OTUD4: variants seen among roughly 807,000 people sequenced by gnomAD.
OTUD4 encodes OTU deubiquitinase 4.
Under a neutral mutation model 130.4 loss-of-function variants are expected in OTUD4, and 24 were observed. The observed-to-expected ratio is 0.18, with a 90% CI of 0.13 to 0.26. The LOEUF is 0.26. Ranked by LOEUF, OTUD4 falls within the 10% of genes least tolerant of loss-of-function variation. The probability of loss-of-function intolerance (pLI) is 1.00; values close to 1 mark genes in which losing one functional copy is unlikely to be tolerated. For synonymous variants in OTUD4, 420 were observed against 472.5 expected, an observed-to-expected ratio of 0.89 and a Z score of 1.44; for missense variants, 1,031 against 1,329.4, an observed-to-expected ratio of 0.78 and a Z score of 3.49.
rs937832342 is a variant in OTUD4 at position 145,136,439 on chromosome 4, G to C, written c.*991C>G. On this transcript the variant is annotated 3_prime_UTR_variant, in exon 21 of 21. Transcript: ENST00000447906. ...CAAGTAGAACATGCAAGTGTAAAGT[G>C]AAAGTGATACACAACCAATGGTGCG... 2 of 122,752 alleles carry C rather than the reference G, an allele frequency of 1.6e-5. No homozygotes were observed. Among genetic ancestry groups the C allele is most frequent in the African/African-American group, 6.4e-5 (2 of 31,292 alleles). 7.6% of individuals were successfully genotyped at this position (122,752 alleles called of 1,614,324 possible). A position where few individuals can be genotyped will look rare whatever the true frequency, so the allele number is the denominator to read the frequency against.
At chr4:145,149,286 AG>A (rs1296664130) in intron 13 of OTUD4, among the ~76,000 whole-genome samples, 1 of 152,174 alleles carries the variant, frequency 6.6e-6, no homozygotes, top group Non-Finnish European at 1.5e-5. Context: ...CAGAAGTAGG[AG>A]GCAAGCATGG....
In OTUD4 at chr4:145,136,786, A is replaced by G. The variant is rs890474668; in HGVS notation, c.*644T>C. ...ATACCTTATGAATATTAAAAGAACT[A>G]TATACAACATTGCTAAGACACAGTT... On this transcript the variant is annotated 3_prime_UTR_variant, in exon 21 of 21. Coordinates refer to ENST00000447906, the MANE Select transcript of OTUD4 (RefSeq NM_001366057.1). 1 of 152,648 alleles carries G rather than the reference A, an allele frequency of 6.6e-6. No individual in the cohort carries two copies. Among genetic ancestry groups the G allele is most frequent in the Admixed American group, 6.5e-5 (1 of 15,284 alleles). 9.5% of individuals were successfully genotyped at this position (152,648 alleles called of 1,614,324 possible). A position where few individuals can be genotyped will look rare whatever the true frequency, so the allele number is the denominator to read the frequency against.
In OTUD4 at chr4:145,180,376, C is replaced by G. The variant is rs1752636617; in HGVS notation, c.-403G>C. Among the ~76,000 whole-genome samples the G allele has an allele frequency of 6.6e-6, 1 of 152,220 alleles. No individual in the cohort carries two copies. Among genetic ancestry groups the G allele is most frequent in the African/African-American group, 2.4e-5 (1 of 41,472 alleles). On this transcript the variant is annotated 5_prime_UTR_variant, in exon 1 of 21. Transcript: ENST00000447906. ...AGAAAACCCCCGCCCCTGGCGCGCA[C>G]GCTGGGCCGGCTCAGGTGAAGCGGG...
At chr4:145,154,554 TG>T (rs898662043) in intron 10 of OTUD4, among the ~76,000 whole-genome samples, 4 of 152,334 alleles carry the variant, frequency 2.6e-5, no homozygotes, top group Admixed American at 2.0e-4. Flanking sequence ...TTTGTGTATG[TG>T]GGGGTTTTGT....
intron 4 of OTUD4, 67 bp downstream of exon 4, chr4:145,165,084 T>G: frequency 1.1e-6 from 1 of 880,266 alleles, no homozygotes; most frequent in Non-Finnish European, 1.7e-6. Flanking sequence ...TTTAACATTT[T>G]TAATATAATG....
intron 7 of OTUD4, chr4:145,159,153 G>A (rs1751434239): frequency 1.1e-5 from 11 of 1,040,488 alleles, no homozygotes; most frequent in African/African-American, 3.5e-5. Flanking sequence ...AAATCCAAAC[G>A]GCCATTTTAT....
intron 13 of OTUD4, among the ~76,000 whole-genome samples, chr4:145,148,222 G>T (rs561832956): frequency 1.3e-5 from 2 of 152,172 alleles, no homozygotes; most frequent in African/African-American, 4.8e-5. Context: ...ATTAGAGGCC[G>T]GGTGCGGTGG....
Position 145,178,461 on chromosome 4 carries a change from G to A in OTUD4, c.159+1354C>T, listed in dbSNP as rs1752531376. The A allele has an allele frequency of 2.6e-5, 4 of 152,334 alleles. No individual in the cohort carries two copies. The South Asian group carries it at 8.3e-4, about 32-fold the overall frequency. The allele number at this position is 152,334 out of a possible 1,614,324, so 9.4% of individuals were successfully genotyped here. ...TTCTGGAGGTGCTGAGGAGTCCAAGGAAGCAGGACAGACAGAGATTCAGAA... is the reference window on the plus strand; with the variant it reads ...TTCTGGAGGTGCTGAGGAGTCCAAGAAAGCAGGACAGACAGAGATTCAGAA... On this transcript the variant is annotated intron_variant, in intron 1 of 20. Transcript: ENST00000447906.
chr4:145,172,839 GA>G (rs1056029968), intron 2 of OTUD4, among the ~76,000 whole-genome samples: 4 of 146,850 alleles, frequency 2.7e-5, no homozygotes, highest in Admixed American at 6.8e-5. Context: ...TAGGTCTAAG[GA>G]AAAAAAAAAC....
Position 145,180,421 on chromosome 4 carries a change from C to A in OTUD4, c.-448G>T. 6.6e-6 allele frequency among the ~76,000 whole-genome samples: 1 copy of A among 152,326 alleles called. No individual in the cohort carries two copies. The highest frequency in any genetic ancestry group is 1.9e-4 in the East Asian group (1 of 5,164). On this transcript the variant is annotated 5_prime_UTR_variant, in exon 1 of 21. Coordinates refer to ENST00000447906, the MANE Select transcript of OTUD4 (RefSeq NM_001366057.1). ...AGCGGGGCCTGCGCCCCCGCGCACT[C>A]CCCACGCCGGGAGCCGAGGAAACCA...
At chr4:145,170,015 G>A (rs1752076608) in intron 3 of OTUD4, among the ~76,000 whole-genome samples, 1 of 152,262 alleles carries the variant, frequency 6.6e-6, no homozygotes, top group Admixed American at 6.5e-5. Context: ...GCAGAGAGGG[G>A]TACAGGGAAA....
rs764971120 is a variant in OTUD4, at chr4:145,164,146, A to T, written c.414+8T>A. The T allele has an allele frequency of 1.3e-5, 17 of 1,342,874 alleles. No individual in the cohort carries two copies. Among genetic ancestry groups the T allele is most frequent in the African/African-American group, 2.9e-5 (2 of 68,612 alleles). The allele number at this position is 1,342,874 out of a possible 1,614,324, so 83.2% of individuals were successfully genotyped here. ...TAAATACTTTAGAACACTTTGAAAA[A>T]TTCTTACCTTTTCAGGAAAATTATT... On this transcript the variant is annotated splice_region_variant and intron_variant, in intron 5 of 20. Transcript: ENST00000447906.
intron 6 of OTUD4, among the ~76,000 whole-genome samples, chr4:145,161,357 G>A (rs1198767788): frequency 6.6e-6 from 1 of 152,144 alleles, no homozygotes; most frequent in African/African-American, 2.4e-5. Flanking sequence ...ACAGCCCAGG[G>A]TACAGAGGCT....
chr4:145,141,648 GAGA>G lies in OTUD4; in HGVS notation c.1823-12_1823-10del. 2.0e-6 allele frequency: 3 copies of G among 1,509,422 alleles called. No homozygotes were observed. The highest frequency in any genetic ancestry group is 2.7e-6 in the Non-Finnish European group (3 of 1,130,740). 93.5% of individuals were successfully genotyped at this position (1,509,422 alleles called of 1,614,324 possible). A position where few individuals can be genotyped will look rare whatever the true frequency, so the allele number is the denominator to read the frequency against. On this transcript the variant is annotated splice_polypyrimidine_tract_variant and intron_variant, in intron 18 of 20. Coordinates refer to ENST00000447906, the MANE Select transcript of OTUD4 (RefSeq NM_001366057.1). ...AATTGGAGCAGGGACACCTACAAAA[GAGA>G]AGAAAAGGAATCAAAATGACAAAAG...
chr4:145,148,509 A>G (rs1750923029), intron 13 of OTUD4, among the ~76,000 whole-genome samples: 1 of 152,190 alleles, frequency 6.6e-6, no homozygotes, highest in Non-Finnish European at 1.5e-5. Context: ...CAAAAAAAAA[A>G]AAAAACTGTT....
intron 13 of OTUD4, among the ~76,000 whole-genome samples, chr4:145,149,372 G>A (rs111263666): frequency 5.3e-5 from 8 of 152,208 alleles, no homozygotes; most frequent in East Asian, 1.9e-4. Flanking sequence ...CTAGCAACCC[G>A]AAGTGTGAAA....
intron 19 of OTUD4, 149 bp downstream of exon 19, chr4:145,141,230 G>T: frequency 1.5e-5 from 6 of 394,584 alleles, no homozygotes; most frequent in Non-Finnish European, 2.7e-5. Flanking sequence ...AAACAAGAAT[G>T]ACTGACTAAT....
chr4:145,168,104 CAT>C (rs1209309453), intron 3 of OTUD4, among the ~76,000 whole-genome samples: 2 of 152,024 alleles, frequency 1.3e-5, no homozygotes, highest in Non-Finnish European at 2.9e-5. Flanking sequence ...TGATGTGTGA[CAT>C]ATATCTTTCT....
intron 6 of OTUD4, among the ~76,000 whole-genome samples, chr4:145,160,526 A>C (rs1447316690): frequency 6.6e-6 from 1 of 152,156 alleles, no homozygotes; most frequent in Non-Finnish European, 1.5e-5. Context: ...ATTCATCAAC[A>C]ATGGGGCCAG....
Sources: allele counts gnomAD v4.1 joint callset (sites outside exome capture counted in the v4.1 genomes callset), GRCh38; gene constraint gnomAD v4.1.1; transcripts MANE v1.5; gene names NCBI Gene and HGNC (gene_info 2026-07-23, HGNC 2026-07-21).